The following LNPK variants were observed in gnomAD, a reference collection of about 807,000 sequenced individuals.
The protein encoded by LNPK is lunapark, ER junction formation factor.
A neutral mutation model predicts 55.2 loss-of-function variants in LNPK; 29 were observed. That is an observed-to-expected ratio of 0.53 (90% CI 0.39 to 0.72). The LOEUF (loss-of-function observed/expected upper bound fraction) is 0.72. Ranked by LOEUF, LNPK falls within the 30% of genes least tolerant of loss-of-function variation. The pLI is 0.00. For synonymous variants in LNPK, 162 were observed against 168.2 expected (o/e 0.96, Z 0.29); for missense variants, 467 against 494.8 (o/e 0.94, Z 0.53).
At chr2:175,930,641 A>C in intron 12 of LNPK, among the ~76,000 whole-genome samples, 1 of 113,340 alleles carries the variant, frequency 8.8e-6, no homozygotes. Context: ...TGTGAGTAAT[A>C]TGTAAATGTG....
chr2:175,951,024 T>C (rs532575343), intron 8 of LNPK, among the ~76,000 whole-genome samples: 17 of 152,284 alleles, frequency 1.1e-4, no homozygotes, highest in African/African-American at 3.8e-4. Context: ...CTTAAATGTA[T>C]AATTCTAGCT....
At chr2:175,940,204 A>G (rs1218241892) in intron 9 of LNPK, among the ~76,000 whole-genome samples, 1 of 151,992 alleles carries the variant, frequency 6.6e-6, no homozygotes, top group African/African-American at 2.4e-5. Context: ...GAGAGTTTCC[A>G]CTCGGCAGTG....
At chr2:175,950,817 G>C (rs897059991) in intron 8 of LNPK, among the ~76,000 whole-genome samples, 1 of 152,072 alleles carries the variant, frequency 6.6e-6, no homozygotes, top group African/African-American at 2.4e-5. Context: ...CACATGCGAA[G>C]TACTTAACAG....
intron 1 of LNPK, among the ~76,000 whole-genome samples, chr2:175,995,916 G>A (rs137998376): frequency 1.4e-5 from 2 of 141,094 alleles, no homozygotes; most frequent in African/African-American, 2.5e-5. Flanking sequence ...CGGGTTAAGC[G>A]ATTCTTGTGG....
At chr2:175,972,169 G>T (rs1487189046) in intron 5 of LNPK, among the ~76,000 whole-genome samples, 1 of 152,044 alleles carries the variant, frequency 6.6e-6, no homozygotes, top group Non-Finnish European at 1.5e-5. Flanking sequence ...ACCTGCCTTG[G>T]CCTCCCAAAG....
At chr2:175,974,763 T>TA (rs1419904344) in intron 5 of LNPK, among the ~76,000 whole-genome samples, 3 of 151,972 alleles carry the variant, frequency 2.0e-5, no homozygotes, top group Non-Finnish European at 4.4e-5. Context: ...GCTTCAGGCT[T>TA]AAAAAAATAC....
At position 175,936,568 on chromosome 2, in the gene LNPK, A is replaced by C. The variant is rs534258180; in HGVS notation, c.1054+776T>G. ...ACAAAACATTATGGCCTGTTTCATA[A>C]TTGTGGCAATCTTCATAATTCAGAG... On this transcript the variant is annotated intron_variant, in intron 12 of 12. Transcript: ENST00000272748. 2.0e-5 allele frequency among the ~76,000 whole-genome samples: 3 copies of C among 152,262 alleles called. No individual in the cohort carries two copies. In the East Asian group the frequency reaches 5.8e-4, roughly 29 times the overall value.
chr2:175,951,897 T>A (rs142460822), intron 8 of LNPK, among the ~76,000 whole-genome samples: 155 of 151,938 alleles, frequency 1.0e-3, no homozygotes, highest in African/African-American at 3.3e-3. Context: ...ACCAACATCT[T>A]CTATTTTTTT....
At chr2:175,946,810 G>A (rs1246186859) in intron 9 of LNPK, among the ~76,000 whole-genome samples, 1 of 152,068 alleles carries the variant, frequency 6.6e-6, no homozygotes. Context: ...AATGTGATCT[G>A]TGCTAAAGCA....
chr2:175,967,201 T>TA (rs1274627811), intron 6 of LNPK, among the ~76,000 whole-genome samples: 2 of 152,208 alleles, frequency 1.3e-5, no homozygotes, highest in Non-Finnish European at 2.9e-5. Context: ...TCGTTAGTGT[T>TA]AAAGAATGAA....
chr2:175,938,581 T>C (rs1178937413), intron 10 of LNPK, 198 bp from the exon 11 acceptor site: 1 of 375,010 alleles, frequency 2.7e-6, no homozygotes, highest in East Asian at 4.0e-5. Context: ...TTTCAAGCAT[T>C]TAAAAATATA....
chr2:175,994,818 T>C (rs889044136), intron 2 of LNPK, among the ~76,000 whole-genome samples: 10 of 152,132 alleles, frequency 6.6e-5, no homozygotes, highest in African/African-American at 2.4e-4. Flanking sequence ...GTTTAACCTA[T>C]AATTTCTAAA....
Position 175,964,517 on chromosome 2 carries a change from T to C in LNPK, c.430A>G (p.Lys144Glu). The C allele has an allele frequency of 6.2e-7, 1 of 1,607,760 alleles. No individual in the cohort carries two copies. Among genetic ancestry groups the C allele is most frequent in the Non-Finnish European group, 8.5e-7 (1 of 1,174,366 alleles). ...TATCACAGTCTTACCTTTGCTTTCT[T>C]TGAGTCCGGATCAAACCTTTCAAGA... ...LILERFDPDS[K>E]KAKECEPPSA... The change falls in exon 7 of 13, where the codon AAG becomes GAG. Residue 144 changes from lysine to glutamate, a missense_variant. Transcript: ENST00000272748.
chr2:175,963,000 A>G (rs1198943437), intron 8 of LNPK, among the ~76,000 whole-genome samples: 17 of 148,590 alleles, frequency 1.1e-4, no homozygotes, highest in Admixed American at 6.7e-5. Context: ...CAAAACCACA[A>G]TGAGATACCA....
intron 1 of LNPK, among the ~76,000 whole-genome samples, chr2:175,996,227 G>C (rs776822897): frequency 4.7e-4 from 72 of 152,104 alleles, no homozygotes; most frequent in Non-Finnish European, 8.8e-5. Context: ...TTACCACTTT[G>C]CAATTTTCTA....
Position 175,925,725 on chromosome 2 carries a change from C to T in LNPK, c.*4242G>A, listed in dbSNP as rs140524871. The T allele has an allele frequency of 9.8e-3, 1,470 of 149,994 alleles. 25 individuals are homozygous for T. The highest frequency in any genetic ancestry group is 0.035 in the African/African-American group (1,401 of 40,460). 9.3% of individuals were successfully genotyped at this position (149,994 alleles called of 1,614,324 possible). On this transcript the variant is annotated 3_prime_UTR_variant, in exon 13 of 13. Coordinates refer to ENST00000272748, the MANE Select transcript of LNPK (RefSeq NM_030650.3). Reference sequence around the variant, plus strand: ...TGTTGCCCAGGCTGGAGTACAATGGCGCAATCTCTGCTCACTGCAACCTCT... The same window carrying T: ...TGTTGCCCAGGCTGGAGTACAATGGTGCAATCTCTGCTCACTGCAACCTCT...
chr2:175,928,356 T>A lies in LNPK; in HGVS notation c.*1611A>T, dbSNP rs566769200. 1.3e-5 allele frequency: 2 copies of A among 152,158 alleles called. No homozygotes were observed. Among genetic ancestry groups the A allele is most frequent in the South Asian group, 2.1e-4 (1 of 4,824 alleles). 9.4% of individuals were successfully genotyped at this position (152,158 alleles called of 1,614,324 possible). On this transcript the variant is annotated 3_prime_UTR_variant, in exon 13 of 13. Coordinates refer to ENST00000272748, the MANE Select transcript of LNPK (RefSeq NM_030650.3). The stretch of plus-strand genomic sequence containing the variant: ...TCCTAATACCCTTCAAAAATAAACA[T>A]AACTCTTCCCATTTTACAGATGAAA...
chr2:175,978,652 A>G (rs915865634), intron 5 of LNPK, among the ~76,000 whole-genome samples: 1 of 152,204 alleles, frequency 6.6e-6, no homozygotes, highest in African/African-American at 2.4e-5. Context: ...AGTTTTAAGT[A>G]CATACTTGAT....
rs889722639 is a variant in LNPK at position 175,927,028 on chromosome 2, GA to G, written c.*2938del. On this transcript the variant is annotated 3_prime_UTR_variant, in exon 13 of 13. Coordinates refer to ENST00000272748, the MANE Select transcript of LNPK (RefSeq NM_030650.3). ...ATGGTAAGTCCTTTGGTGTTGGGAA[GA>G]AACCCTAGGGAAAGAATATGCAGAA... is the stretch of plus-strand genomic sequence containing the variant. 3 of 152,152 alleles carry G rather than the reference GA, an allele frequency of 2.0e-5. No homozygotes were observed. The highest frequency in any genetic ancestry group is 7.2e-5 in the African/African-American group (3 of 41,438). The allele number at this position is 152,152 out of a possible 1,614,324, so 9.4% of individuals were successfully genotyped here.
Sources: allele counts gnomAD v4.1 joint callset (sites outside exome capture counted in the v4.1 genomes callset), GRCh38; gene constraint gnomAD v4.1.1; transcripts MANE v1.5; gene names NCBI Gene and HGNC (gene_info 2026-07-23, HGNC 2026-07-21).